ADAM32: variants seen among roughly 807,000 people sequenced by gnomAD.
ADAM32 encodes disintegrin and metalloproteinase domain-containing protein 32.
Under a neutral mutation model 114.9 loss-of-function variants are expected in ADAM32, and 89 were observed. The observed-to-expected ratio is 0.77, with a 90% CI of 0.65 to 0.92. ADAM32 has a LOEUF of 0.92. Ranked by LOEUF, ADAM32 falls within the 40% of genes least tolerant of loss-of-function variation. The pLI, the probability that ADAM32 is intolerant of heterozygous loss-of-function variation, is 0.00. For synonymous variants in ADAM32, 285 were observed against 307.5 expected (o/e 0.93, Z 0.77); for missense variants, 870 against 932.8 (o/e 0.93, Z 0.88).
intron 16 of ADAM32, among the ~76,000 whole-genome samples, chr8:39,238,756 AAGACTT>A (rs1305680958): frequency 2.0e-5 from 3 of 152,176 alleles, no homozygotes; most frequent in Non-Finnish European, 4.4e-5. Context: ...ATGGAAATAA[AAGACTT>A]AGAGAAATGC....
chr8:39,252,424 G>T lies in ADAM32; in HGVS notation c.1903-1990G>T, dbSNP rs143164744. On this transcript the variant is annotated intron_variant, in intron 17 of 24. Coordinates refer to ENST00000379907, the MANE Select transcript of ADAM32 (RefSeq NM_145004.7). ...GACAAACAAAAAATGAAAAAAAAAA[G>T]GGATGTGGCAAAAACAGTACTAAAG... Among the ~76,000 whole-genome samples, 7 of 146,310 alleles carry T rather than the reference G, an allele frequency of 4.8e-5. No homozygotes were observed. The East Asian group carries it at 6.0e-4, about 13-fold the overall frequency.
chr8:39,196,041 G>A (rs2129447592), intron 11 of ADAM32, among the ~76,000 whole-genome samples: 1 of 152,146 alleles, frequency 6.6e-6, no homozygotes, highest in South Asian at 2.1e-4. Flanking sequence ...TAGTTTTTGT[G>A]TAGAAGTCTT....
chr8:39,184,105 C>T (rs909482978), intron 10 of ADAM32, among the ~76,000 whole-genome samples: 3 of 152,184 alleles, frequency 2.0e-5, no homozygotes, highest in Non-Finnish European at 2.9e-5. Flanking sequence ...AAAGGCAGAT[C>T]GGTTTCAGAT....
intron 17 of ADAM32, among the ~76,000 whole-genome samples, chr8:39,249,941 ATAATTTT>A (rs1811180040): frequency 1.3e-5 from 2 of 152,126 alleles, no homozygotes; most frequent in Admixed American, 6.5e-5. Context: ...GAAGTCCAGT[ATAATTTT>A]TATCTTTGTG....
At chr8:39,278,548 T>C (rs1300238562) in intron 22 of ADAM32, among the ~76,000 whole-genome samples, 1 of 152,124 alleles carries the variant, frequency 6.6e-6, no homozygotes, top group African/African-American at 2.4e-5. Flanking sequence ...TGACAATTTA[T>C]CAGCAAACTC....
At chr8:39,273,214 G>A (rs1812842340) in intron 20 of ADAM32, among the ~76,000 whole-genome samples, 1 of 151,932 alleles carries the variant, frequency 6.6e-6, no homozygotes, top group African/African-American at 2.4e-5. Context: ...ATGATAAAAA[G>A]GACAGTATAG....
chr8:39,200,223 T>C (rs893977421), intron 11 of ADAM32, among the ~76,000 whole-genome samples: 29 of 152,200 alleles, frequency 1.9e-4, no homozygotes, highest in Non-Finnish European at 3.4e-4. Context: ...GTTGAACTAG[T>C]TTACAGTCCC....
chr8:39,130,163 C>G (rs898576441), intron 2 of ADAM32: 12 of 158,922 alleles, frequency 7.6e-5, no homozygotes, highest in African/African-American at 2.9e-4. Flanking sequence ...CCATGTTGCC[C>G]CAGCTGGTCT....
rs1221045670 is a variant in ADAM32, at chr8:39,254,510, G to T, written c.1999G>T (p.Asp667Tyr). 1 of 1,573,322 alleles carries T rather than the reference G, an allele frequency of 6.4e-7. No homozygotes were observed. The highest frequency in any genetic ancestry group is 8.6e-7 in the Non-Finnish European group (1 of 1,156,384). ...AGGATTTTCCATATTTCCTGAGGAA[G>T]ATATGGGCAAGTATTTGTCTCTTTA... The part of the protein sequence containing the change: ...SKGFSIFPEE[D>Y]MGSIMERASG... Residue 667 changes from aspartate (D) to tyrosine (Y), a missense_variant, in exon 18 of 25, where the codon GAT becomes TAT. Physicochemically the swap from Asp to Tyr is radical, Grantham distance 160. Coordinates refer to ENST00000379907, the MANE Select transcript of ADAM32 (RefSeq NM_145004.7).
At chr8:39,225,788 A>AT (rs11446055) in intron 14 of ADAM32, among the ~76,000 whole-genome samples, 93,744 of 150,204 alleles carry the variant, frequency 0.62, 31,234 homozygotes, top group Middle Eastern at 0.78. Context: ...ATGGAGTAAG[A>AT]TTTTTTTTTT....
chr8:39,107,716 G>T (rs1052916148), upstream of ADAM32: 1 of 1,549,010 alleles, frequency 6.5e-7, no homozygotes, highest in African/African-American at 1.4e-5. Context: ...GCGCGTCCCC[G>T]CGTCCCTGGC....
chr8:39,141,014 T>G (rs896745700), intron 3 of ADAM32, among the ~76,000 whole-genome samples: 5 of 152,232 alleles, frequency 3.3e-5, no homozygotes, highest in African/African-American at 1.2e-4. Flanking sequence ...GATGTTTGTA[T>G]TTCTGTGGGA....
chr8:39,151,910 G>A (rs976548788), intron 6 of ADAM32, among the ~76,000 whole-genome samples: 29 of 151,722 alleles, frequency 1.9e-4, no homozygotes, highest in African/African-American at 5.3e-4. Context: ...TGATCCACCC[G>A]CCTCAATCTC....
chr8:39,220,672 A>G (rs1808898780), intron 12 of ADAM32, among the ~76,000 whole-genome samples: 2 of 151,892 alleles, frequency 1.3e-5, no homozygotes, highest in Admixed American at 6.6e-5. Flanking sequence ...TTCATTGACT[A>G]TTGATCATTC....
At chr8:39,152,859 T>A (rs933572845) in intron 6 of ADAM32, among the ~76,000 whole-genome samples, 25 of 152,322 alleles carry the variant, frequency 1.6e-4, no homozygotes, top group African/African-American at 5.5e-4. Flanking sequence ...GACAAAATTA[T>A]GGCCAATGAC....
At chr8:39,267,160 T>C (rs571867275) in intron 19 of ADAM32, among the ~76,000 whole-genome samples, 1 of 152,314 alleles carries the variant, frequency 6.6e-6, no homozygotes, top group South Asian at 2.1e-4. Context: ...CCCCCATTTG[T>C]GCATGCTGGC....
At chr8:39,199,566 T>A (rs1179981797) in intron 11 of ADAM32, among the ~76,000 whole-genome samples, 1 of 152,190 alleles carries the variant, frequency 6.6e-6, no homozygotes, top group African/African-American at 2.4e-5. Flanking sequence ...ATGATATCTA[T>A]CTCTTTGTTA....
intron 11 of ADAM32, among the ~76,000 whole-genome samples, chr8:39,205,539 G>A (rs1307637988): frequency 1.3e-5 from 2 of 152,248 alleles, no homozygotes; most frequent in South Asian, 4.1e-4. Flanking sequence ...GCTTGGTTAG[G>A]AAAGGGAATT....
chr8:39,107,641 C>G (rs992924278), upstream of ADAM32: 1 of 1,493,318 alleles, frequency 6.7e-7, no homozygotes. Flanking sequence ...ACCGAGAGCA[C>G]CCCGTCTCCG....
Sources: gnomAD v4.1 joint callset for allele counts (sites outside exome capture counted in the v4.1 genomes callset) on GRCh38, gnomAD v4.1.1 for gene constraint, MANE v1.5 for transcripts, NCBI Gene and HGNC (gene_info 2026-07-23, HGNC 2026-07-21) for gene names.